SCHIP1: variants seen among roughly 807,000 people sequenced by gnomAD.
SCHIP1 encodes the protein schwannomin interacting protein 1, also known as schwannomin-interacting protein 1.
A neutral mutation model predicts 29.7 loss-of-function variants in SCHIP1; 8 were observed. The observed-to-expected ratio is 0.27, with a 90% confidence interval of 0.16 to 0.49. The LOEUF (loss-of-function observed/expected upper bound fraction) is 0.49. SCHIP1 is among the 20% of genes least tolerant of loss of function. SCHIP1 has a pLI of 0.99. For missense variants in SCHIP1, 193 were observed against 294.6 expected (o/e 0.66, Z 2.52); for synonymous variants, 76 against 94.9 (o/e 0.80, Z 1.16).
the SCHIP1 span, among the ~76,000 whole-genome samples, chr3:159,769,279 G>T: frequency 5.8e-3 from 881 of 151,352 alleles, 6 homozygotes; most frequent in African/African-American, 0.021. Context: ...GTTGCCAAGT[G>T]GGGTGGGAGG....
the SCHIP1 span, among the ~76,000 whole-genome samples, chr3:159,750,257 GTGTGTGTATATATA>G: frequency 5.6e-4 from 75 of 135,114 alleles, 1 homozygote; most frequent in African/African-American, 2.2e-3. Context: ...GTGTGTATGT[GTGTGTGTATATATA>G]TATATATATA....
At chr3:159,399,589 T>A in the SCHIP1 span, among the ~76,000 whole-genome samples, 2 of 152,194 alleles carry the variant, frequency 1.3e-5, 1 homozygote, top group South Asian at 4.1e-4. Flanking sequence ...TTTCTATCAA[T>A]CACTCTCTCC....
the SCHIP1 span, among the ~76,000 whole-genome samples, chr3:159,668,410 G>A: frequency 1.4e-5 from 2 of 143,888 alleles, no homozygotes; most frequent in South Asian, 4.2e-4. Flanking sequence ...TGAGTCCCAT[G>A]AAGGACTTGA....
chr3:159,403,498 A>C, the SCHIP1 span, among the ~76,000 whole-genome samples: 1 of 152,190 alleles, frequency 6.6e-6, no homozygotes, highest in Non-Finnish European at 1.5e-5. Context: ...GAGAGAGTGC[A>C]GTGATTGAGG....
the SCHIP1 span, among the ~76,000 whole-genome samples, chr3:159,367,387 A>C: frequency 1.3e-5 from 2 of 150,938 alleles, no homozygotes; most frequent in Non-Finnish European, 2.9e-5. Context: ...ACAAGACCAA[A>C]AACTCCATCT....
At chr3:159,376,403 T>C in the SCHIP1 span, among the ~76,000 whole-genome samples, 1 of 152,030 alleles carries the variant, frequency 6.6e-6, no homozygotes. Context: ...GCCTGCAGAG[T>C]ACTATTCTGC....
the SCHIP1 span, among the ~76,000 whole-genome samples, chr3:159,503,624 G>A: frequency 6.6e-6 from 1 of 152,162 alleles, no homozygotes. Context: ...AGAGTGTTTA[G>A]CCACATGAGT....
chr3:159,531,234 G>A, the SCHIP1 span, among the ~76,000 whole-genome samples: 73 of 152,198 alleles, frequency 4.8e-4, no homozygotes, highest in African/African-American at 1.5e-3. Context: ...ACATACTAGG[G>A]GATAACCATA....
the SCHIP1 span, among the ~76,000 whole-genome samples, chr3:159,563,514 AATT>A: frequency 5.3e-5 from 8 of 152,102 alleles, no homozygotes; most frequent in East Asian, 1.5e-3. Context: ...CTACATATAT[AATT>A]ATTTTTTTAA....
At chr3:159,506,876 A>G in the SCHIP1 span, among the ~76,000 whole-genome samples, 54 of 152,294 alleles carry the variant, frequency 3.5e-4, no homozygotes, top group Non-Finnish European at 1.3e-4. Context: ...GTAGCCTTGT[A>G]ACATAGTTTG....
chr3:159,523,811 G>A, the SCHIP1 span, among the ~76,000 whole-genome samples: 1 of 152,206 alleles, frequency 6.6e-6, no homozygotes, highest in East Asian at 1.9e-4. Flanking sequence ...TTAGGAGTCA[G>A]ATCTAGAAAC....
At chr3:159,886,161 TAACAAACAGCTAAGTAG>T in intron 2 of SCHIP1, 29 bp from the exon 4 acceptor site, 1 of 1,606,422 alleles carries the variant, frequency 6.2e-7, no homozygotes, top group Non-Finnish European at 8.5e-7. Flanking sequence ...TGAAGCCAAA[TAACAAACAGCTAAGTAG>T]AACTAGTGTC....
At chr3:159,570,414 T>C in the SCHIP1 span, among the ~76,000 whole-genome samples, 1 of 152,196 alleles carries the variant, frequency 6.6e-6, no homozygotes, top group Non-Finnish European at 1.5e-5. Flanking sequence ...CCTTTCCCCA[T>C]TGCTTGTTTT....
chr3:159,496,512 C>G, the SCHIP1 span, among the ~76,000 whole-genome samples: 1 of 152,186 alleles, frequency 6.6e-6, no homozygotes, highest in Non-Finnish European at 1.5e-5. Flanking sequence ...AAATGCTCAT[C>G]ATCACTGGCC....
the SCHIP1 span, among the ~76,000 whole-genome samples, chr3:159,751,043 G>A: frequency 7.6e-4 from 115 of 151,840 alleles, no homozygotes; most frequent in Middle Eastern, 6.8e-3. Context: ...CCATTTAGTC[G>A]GCTTCCTGTT....
chr3:159,498,119 A>T, the SCHIP1 span, among the ~76,000 whole-genome samples: 1 of 152,228 alleles, frequency 6.6e-6, no homozygotes, highest in Non-Finnish European at 1.5e-5. Context: ...GAAATAAGCA[A>T]TGATTTCCAA....
the SCHIP1 span, among the ~76,000 whole-genome samples, chr3:159,319,827 G>C: frequency 6.6e-6 from 1 of 152,164 alleles, no homozygotes; most frequent in East Asian, 1.9e-4. Context: ...CTCCTCATTT[G>C]AATCTGTCAA....
chr3:159,358,920 C>CTTT, the SCHIP1 span, among the ~76,000 whole-genome samples: 171 of 96,556 alleles, frequency 1.8e-3, 9 homozygotes, highest in Non-Finnish European at 2.7e-3. Context: ...TATTAGCATC[C>CTTT]TTTTTTTTTT....
At chr3:159,789,819 T>A in the SCHIP1 span, among the ~76,000 whole-genome samples, 29 of 152,328 alleles carry the variant, frequency 1.9e-4, no homozygotes, top group South Asian at 6.0e-3. Flanking sequence ...AAACCTGATG[T>A]GTAAAATAGC....
Sources: gnomAD v4.1 joint callset for allele counts (sites outside exome capture counted in the v4.1 genomes callset) on GRCh38, gnomAD v4.1.1 for gene constraint, MANE v1.5 for transcripts, NCBI Gene and HGNC (gene_info 2026-07-23, HGNC 2026-07-21) for gene names.